The following HS3ST5 variants were observed in gnomAD, a reference collection of about 807,000 sequenced individuals.
HS3ST5 encodes heparan sulfate-glucosamine 3-sulfotransferase 5.
In HS3ST5, 10 loss-of-function variants were observed where a neutral mutation model predicts 25.4. The ratio of observed to expected loss-of-function variants is 0.39; its 90% CI spans 0.24 to 0.67. The LOEUF (loss-of-function observed/expected upper bound fraction) is 0.67. Ranked by LOEUF, HS3ST5 falls within the 30% of genes least tolerant of loss-of-function variation. The pLI is 0.44. For missense variants in HS3ST5, 324 were observed against 420.7 expected, an observed-to-expected ratio of 0.77 and a Z score of 2.01; for synonymous variants, 170 against 162.4, an observed-to-expected ratio of 1.05 and a Z score of -0.36.
chr6:114,127,850 A>ATG (rs1418182809), intron 3 of HS3ST5, among the ~76,000 whole-genome samples: 36 of 149,422 alleles, frequency 2.4e-4, no homozygotes, highest in African/African-American at 8.1e-4. Flanking sequence ...ATATATATAT[A>ATG]TATATAGAGA....
chr6:114,179,484 T>C (rs145542243), intron 2 of HS3ST5, among the ~76,000 whole-genome samples: 1 of 152,248 alleles, frequency 6.6e-6, no homozygotes, highest in Non-Finnish European at 1.5e-5. Flanking sequence ...TTAAGCAGCT[T>C]AATTAAAATC....
Position 114,096,384 on chromosome 6 carries a change from A to C in HS3ST5, c.-32-33507T>G, listed in dbSNP as rs564169325. Among the ~76,000 whole-genome samples the C allele has an allele frequency of 2.0e-5, 3 of 152,296 alleles. No individual in the cohort carries two copies. In the East Asian group the frequency reaches 5.8e-4, roughly 29 times the overall value. Reference sequence around the variant, plus strand: ...CTCTTTACTGCAATAACATTAAAATAACATCTATTTGGGTAAGTGTACGCT... The same window carrying C: ...CTCTTTACTGCAATAACATTAAAATCACATCTATTTGGGTAAGTGTACGCT... On this transcript the variant is annotated intron_variant, in intron 3 of 4. Transcript: ENST00000312719.
chr6:114,113,760 C>T (rs72952530), intron 3 of HS3ST5, among the ~76,000 whole-genome samples: 11,695 of 151,782 alleles, frequency 0.077, 551 homozygotes, highest in East Asian at 0.13. Flanking sequence ...ACTACTCTTA[C>T]GCTAGTCTAT....
intron 3 of HS3ST5, among the ~76,000 whole-genome samples, chr6:114,100,788 A>G (rs1775689853): frequency 6.6e-6 from 1 of 152,206 alleles, no homozygotes; most frequent in Non-Finnish European, 1.5e-5. Context: ...TTAGTTCCAA[A>G]ACATACACAG....
chr6:114,307,428 G>GT (rs200691305), intron 1 of HS3ST5, among the ~76,000 whole-genome samples: 9,195 of 147,304 alleles, frequency 0.062, 855 homozygotes, highest in African/African-American at 0.21. Flanking sequence ...ATAAAACCTA[G>GT]TTTTTTTTTT....
At chr6:114,109,749 T>C (rs1879129) in intron 3 of HS3ST5, among the ~76,000 whole-genome samples, 40,347 of 152,132 alleles carry the variant, frequency 0.27, 5,610 homozygotes, top group African/African-American at 0.34. Flanking sequence ...ACTGACTGCC[T>C]TCCCTTTCTC....
At chr6:114,179,640 T>C (rs964817637) in intron 2 of HS3ST5, among the ~76,000 whole-genome samples, 3 of 147,352 alleles carry the variant, frequency 2.0e-5, no homozygotes, top group Non-Finnish European at 3.0e-5. Flanking sequence ...TTGTAAACCC[T>C]TGTATTAGTC....
intron 2 of HS3ST5, among the ~76,000 whole-genome samples, chr6:114,182,598 G>A (rs183589207): frequency 4.7e-4 from 72 of 152,256 alleles, no homozygotes; most frequent in African/African-American, 1.6e-3. Context: ...ATTCTAGGTG[G>A]TTATTCCTGC....
chr6:114,309,936 A>T (rs2114840183), intron 1 of HS3ST5, among the ~76,000 whole-genome samples: 1 of 152,354 alleles, frequency 6.6e-6, no homozygotes, highest in Non-Finnish European at 1.5e-5. Context: ...TATAAAGTAC[A>T]TCTAAAGAAA....
At chr6:114,211,605 T>A (rs1562239529) in intron 2 of HS3ST5, among the ~76,000 whole-genome samples, 1 of 152,222 alleles carries the variant, frequency 6.6e-6, no homozygotes. Flanking sequence ...CATATTCTAT[T>A]AATATAAAGA....
chr6:114,240,546 A>G (rs1772065095), intron 1 of HS3ST5, among the ~76,000 whole-genome samples: 1 of 152,180 alleles, frequency 6.6e-6, no homozygotes, highest in African/African-American at 2.4e-5. Context: ...TTGTTGCTAA[A>G]CACGAAGCTG....
At chr6:114,220,528 C>G (rs1175639740) in intron 2 of HS3ST5, among the ~76,000 whole-genome samples, 6 of 151,966 alleles carry the variant, frequency 3.9e-5, no homozygotes, top group Non-Finnish European at 8.8e-5. Context: ...AGTTATTTTC[C>G]AAGCTCAGCA....
intron 3 of HS3ST5, among the ~76,000 whole-genome samples, chr6:114,135,045 T>C (rs1777525863): frequency 6.6e-6 from 1 of 152,156 alleles, no homozygotes; most frequent in East Asian, 1.9e-4. Flanking sequence ...TCTCTATAAA[T>C]GACTTCTAGA....
chr6:114,279,951 C>A (rs1340006870), intron 1 of HS3ST5, among the ~76,000 whole-genome samples: 1 of 151,918 alleles, frequency 6.6e-6, no homozygotes, highest in Non-Finnish European at 1.5e-5. Context: ...CCATACAGAT[C>A]AGAAATGGGC....
intron 3 of HS3ST5, among the ~76,000 whole-genome samples, chr6:114,152,297 G>T (rs1433588440): frequency 1.3e-5 from 2 of 152,024 alleles, no homozygotes; most frequent in Non-Finnish European, 2.9e-5. Context: ...TATTTTTAAA[G>T]AAAAAGAATT....
chr6:114,206,601 T>C (rs73767071), intron 2 of HS3ST5, among the ~76,000 whole-genome samples: 109 of 152,246 alleles, frequency 7.2e-4, no homozygotes, highest in African/African-American at 2.6e-3. Flanking sequence ...TGTTCTCAAC[T>C]GTAAACATGC....
intron 1 of HS3ST5, among the ~76,000 whole-genome samples, chr6:114,312,011 G>A (rs921928734): frequency 6.6e-6 from 1 of 152,130 alleles, no homozygotes; most frequent in Non-Finnish European, 1.5e-5. Flanking sequence ...TTCTCCATTA[G>A]CAGATTCACC....
chr6:114,314,502 G>C (rs185023638), intron 1 of HS3ST5, among the ~76,000 whole-genome samples: 1 of 152,140 alleles, frequency 6.6e-6, no homozygotes, highest in African/African-American at 2.4e-5. Context: ...GAAGTTTAAC[G>C]TTTGGAGTAA....
intron 1 of HS3ST5, among the ~76,000 whole-genome samples, chr6:114,253,189 T>C (rs1772743092): frequency 6.6e-6 from 1 of 152,222 alleles, no homozygotes; most frequent in Non-Finnish European, 1.5e-5. Context: ...AATGAGACCC[T>C]ATCTCAAAAG....
Sources: gnomAD v4.1 joint callset for allele counts (sites outside exome capture counted in the v4.1 genomes callset) on GRCh38, gnomAD v4.1.1 for gene constraint, MANE v1.5 for transcripts, NCBI Gene and HGNC (gene_info 2026-07-23, HGNC 2026-07-21) for gene names.